The following SLC28A3 variants were observed in gnomAD, a reference collection of about 807,000 sequenced individuals.
SLC28A3 encodes concentrative Na(+)-nucleoside cotransporter 3.
Under a neutral mutation model 84.2 loss-of-function variants are expected in SLC28A3, and 68 were observed. The ratio of observed to expected loss-of-function variants is 0.81; its 90% CI spans 0.66 to 0.99. The LOEUF (loss-of-function observed/expected upper bound fraction) is 0.99. Ranked by LOEUF, SLC28A3 falls within the 50% of genes least tolerant of loss-of-function variation. SLC28A3 has a pLI of 0.00. For missense variants in SLC28A3, 712 were observed against 841.5 expected (o/e 0.85, Z 1.90); for synonymous variants, 267 against 303.6 (o/e 0.88, Z 1.25).
chr9:84,301,300 A>G (rs961027391), intron 5 of SLC28A3, among the ~76,000 whole-genome samples: 9 of 143,956 alleles, frequency 6.3e-5, no homozygotes, highest in African/African-American at 2.3e-4. Context: ...CAGTGAGCCA[A>G]GATGGTGCCA....
intron 1 of SLC28A3, among the ~76,000 whole-genome samples, chr9:84,338,936 A>G (rs1241771336): frequency 1.3e-5 from 2 of 152,150 alleles, no homozygotes; most frequent in African/African-American, 4.8e-5. Flanking sequence ...TCCTAAAAGC[A>G]GCACATTTAT....
intron 1 of SLC28A3, among the ~76,000 whole-genome samples, chr9:84,321,693 C>A (rs984762892): frequency 2.1e-5 from 3 of 144,392 alleles, no homozygotes; most frequent in Non-Finnish European, 4.5e-5. Flanking sequence ...GAGATTGCGC[C>A]ACTGCACTCT....
intron 1 of SLC28A3, among the ~76,000 whole-genome samples, chr9:84,332,664 C>T (rs1588624093): frequency 6.6e-6 from 1 of 152,050 alleles, no homozygotes; most frequent in South Asian, 2.1e-4. Context: ...TTTGATTGTA[C>T]TTAATCATTT....
intron 14 of SLC28A3, among the ~76,000 whole-genome samples, chr9:84,282,531 C>A (rs897295651): frequency 6.6e-6 from 1 of 152,140 alleles, no homozygotes; most frequent in Admixed American, 6.5e-5. Flanking sequence ...TTAGGATGCC[C>A]AGTTGGAGGT....
intron 1 of SLC28A3, among the ~76,000 whole-genome samples, chr9:84,322,987 C>T (rs1020571926): frequency 1.3e-5 from 2 of 152,196 alleles, no homozygotes; most frequent in African/African-American, 4.8e-5. Context: ...CCATGCTCTC[C>T]TGGGCTGGCA....
At chr9:84,308,155 C>T (rs1159990928) in intron 3 of SLC28A3, among the ~76,000 whole-genome samples, 2 of 152,142 alleles carry the variant, frequency 1.3e-5, no homozygotes, top group Non-Finnish European at 2.9e-5. Flanking sequence ...GTGGGAGGAT[C>T]ACCTGAGCCC....
At chr9:84,289,187 C>T (rs543152386) in intron 11 of SLC28A3, among the ~76,000 whole-genome samples, 1 of 152,302 alleles carries the variant, frequency 6.6e-6, no homozygotes, top group African/African-American at 2.4e-5. Context: ...GTGGGGATGG[C>T]ATTCCCCAGA....
At chr9:84,339,054 G>A (rs544502512) in intron 1 of SLC28A3, among the ~76,000 whole-genome samples, 39 of 152,090 alleles carry the variant, frequency 2.6e-4, no homozygotes, top group African/African-American at 8.4e-4. Flanking sequence ...AACAAACCTC[G>A]ATAAATTAAC....
the SLC28A3 span, among the ~76,000 whole-genome samples, chr9:84,352,250 C>T: frequency 1.3e-5 from 2 of 151,988 alleles, no homozygotes; most frequent in Non-Finnish European, 2.9e-5. Flanking sequence ...ATGACGTGAT[C>T]TTGGCTCACT....
intron 5 of SLC28A3, 33 bp downstream of exon 5, chr9:84,302,167 C>T: frequency 6.2e-7 from 1 of 1,604,204 alleles, no homozygotes; most frequent in Non-Finnish European, 8.5e-7. Flanking sequence ...TACTATCTCT[C>T]TTAACTGAAA....
chr9:84,281,039 C>T (rs1388295909), intron 14 of SLC28A3, among the ~76,000 whole-genome samples, 157 bp from the exon 15 acceptor site: 1 of 152,080 alleles, frequency 6.6e-6, no homozygotes, highest in African/African-American at 2.4e-5. Context: ...CCTCTTTTAC[C>T]ATCTCCACTT....
rs1179264548 is a variant in SLC28A3 at position 84,280,777 on chromosome 9, T to A, written c.1729+24A>T. 6 of 1,611,838 alleles carry A rather than the reference T, an allele frequency of 3.7e-6. No homozygotes were observed. In the South Asian group the frequency reaches 6.6e-5, roughly 18 times the overall value. On this transcript the variant is annotated intron_variant, in intron 15 of 17. Coordinates refer to ENST00000376238, the MANE Select transcript of SLC28A3 (RefSeq NM_001199633.2). ...GTATGTCTATGGCACATCTGTGTTG[T>A]TGAAGAATGTTCTTTTCACTTACTG... is the stretch of plus-strand genomic sequence containing the variant.
chr9:84,278,407 G>GAC, intron 17 of SLC28A3, 63 bp from the exon 18 acceptor site: 1 of 1,596,606 alleles, frequency 6.3e-7, no homozygotes, highest in South Asian at 1.1e-5. Flanking sequence ...TAGGTGAGCA[G>GAC]ACAATGACAT....
Position 84,277,692 on chromosome 9 carries a change from T to A in SLC28A3, c.*526A>T, listed in dbSNP as rs1689127775. On this transcript the variant is annotated 3_prime_UTR_variant, in exon 18 of 18. Coordinates refer to ENST00000376238, the MANE Select transcript of SLC28A3 (RefSeq NM_001199633.2). ...TCCACGTGTTCTCCTCAAGGACTCT[T>A]GATTTCTGCAGGACTTCCTGAGGGT... 1 of 152,810 alleles carries A rather than the reference T, an allele frequency of 6.5e-6. No homozygotes were observed. The highest frequency in any genetic ancestry group is 6.5e-5 in the Admixed American group (1 of 15,366). 9.5% of individuals were successfully genotyped at this position (152,810 alleles called of 1,614,324 possible).
chr9:84,367,617 G>A, the SLC28A3 span, among the ~76,000 whole-genome samples: 2 of 152,290 alleles, frequency 1.3e-5, no homozygotes, highest in Admixed American at 6.5e-5. Context: ...AGTTCCCTCA[G>A]TATTTATTGA....
At chr9:84,361,634 C>A in the SLC28A3 span, among the ~76,000 whole-genome samples, 3 of 152,068 alleles carry the variant, frequency 2.0e-5, no homozygotes, top group African/African-American at 7.2e-5. Context: ...ATGCGTACTG[C>A]CTGGGCGTGA....
At chr9:84,329,901 T>C (rs913107434) in intron 1 of SLC28A3, among the ~76,000 whole-genome samples, 1 of 151,522 alleles carries the variant, frequency 6.6e-6, no homozygotes, top group Non-Finnish European at 1.5e-5. Context: ...AATGAAAATA[T>C]ACGAAAATTT....
chr9:84,298,619 G>T (rs555448273), intron 6 of SLC28A3, among the ~76,000 whole-genome samples: 4 of 152,310 alleles, frequency 2.6e-5, no homozygotes, highest in Admixed American at 6.5e-5. Context: ...AGTAGTCTAA[G>T]AAGGGCCATT....
At chr9:84,298,256 A>G (rs954800971) in intron 6 of SLC28A3, among the ~76,000 whole-genome samples, 2 of 152,094 alleles carry the variant, frequency 1.3e-5, no homozygotes, top group African/African-American at 4.8e-5. Context: ...GGAGGCCAAA[A>G]TGGGCAGATC....
Sources: allele counts gnomAD v4.1 joint callset (sites outside exome capture counted in the v4.1 genomes callset), GRCh38; gene constraint gnomAD v4.1.1; transcripts MANE v1.5; gene names NCBI Gene and HGNC (gene_info 2026-07-23, HGNC 2026-07-21).